TTN: variants seen among roughly 807,000 people sequenced by gnomAD.
TTN encodes the protein titin.
Under a neutral mutation model 3,223.0 loss-of-function variants are expected in TTN, and 1,525 were observed. That is an observed-to-expected ratio of 0.47 (90% CI 0.45 to 0.49). The LOEUF (loss-of-function observed/expected upper bound fraction) is 0.49. TTN is among the 20% of genes least tolerant of loss of function. The pLI is 0.00. For missense variants in TTN, 40,786 were observed against 43,424.0 expected (o/e 0.94, Z 5.40); for synonymous variants, 14,094 against 15,161.0 (o/e 0.93, Z 5.17).
chr2:178,602,698 A>T, intron 282 of TTN, 108 bp from the exon 283 acceptor site: 1 of 841,730 alleles, frequency 1.2e-6, no homozygotes, highest in African/African-American at 1.8e-5. Flanking sequence ...TAAAATATTA[A>T]AATAGAAATG....
intron 288 of TTN, 55 bp from the exon 289 acceptor site, chr2:178,599,905 A>T: frequency 6.8e-7 from 1 of 1,478,478 alleles, no homozygotes; most frequent in East Asian, 2.3e-5. Flanking sequence ...AGGGATAGAA[A>T]GTAGAATTCA....
In TTN at chr2:178,559,983, T is replaced by C. The variant is rs757567360; in HGVS notation, c.86149A>G (p.Thr28717Ala). The change falls in exon 326 of 363, where the codon ACA (threonine) becomes GCA (alanine). Residue 28717 changes from threonine to alanine, a missense_variant. By Grantham distance (58) the Thr-to-Ala change is moderately conservative (BLOSUM62 0). Coordinates refer to ENST00000589042, the MANE Select transcript of TTN (RefSeq NM_001267550.2). The part of the protein sequence containing the change: ...GTEYTISGLT[T>A]GAEYVFRVKS... ...ACTCTGAAAACATATTCAGCTCCTG[T>C]TGTTAGTCCGCTTATTGTATATTCT... 12 of 1,613,676 alleles carry C rather than the reference T, an allele frequency of 7.4e-6. No individual in the cohort carries two copies. The South Asian group carries it at 9.9e-5, about 13-fold the overall frequency.
Position 178,728,751 on chromosome 2 carries a change from T to A in TTN, c.19175A>T (p.Lys6392Ile), listed in dbSNP as rs2079823191. The change falls in exon 66 of 363, where the codon AAA becomes ATA. Residue 6392 changes from lysine (K) to isoleucine (I), a missense_variant. Physicochemically the swap from Lys to Ile is moderately radical, Grantham distance 102. Coordinates refer to ENST00000589042, the MANE Select transcript of TTN (RefSeq NM_001267550.2). The stretch of plus-strand genomic sequence containing the variant: ...ATCTTTCTCCGTAACATCAACTGAT[T>A]TAGCTTTCTCTACGATTTGAGCTGG... ...QEPAQIVEKA[K>I]SVDVTEKDPM... is the part of the protein sequence containing the mutation. 6.2e-7 allele frequency: 1 copy of A among 1,603,312 alleles called. No individual in the cohort carries two copies. Among genetic ancestry groups the A allele is most frequent in the African/African-American group, 1.3e-5 (1 of 74,744 alleles).
chr2:178,750,393 G>A lies in TTN; in HGVS notation c.11311+2731C>T, dbSNP rs200550488. 68 of 1,612,626 alleles carry A rather than the reference G, an allele frequency of 4.2e-5. No individual in the cohort carries two copies. Among genetic ancestry groups the A allele is most frequent in the Non-Finnish European group, 8.5e-6 (10 of 1,179,156 alleles). ...TCATTCTGATGATGAACAGATGAAA[G>A]AGTTAATATTGAATAGTTTTCCAAC... On this transcript the variant is annotated intron_variant, in intron 47 of 362. Transcript: ENST00000589042.
chr2:178,696,398 T>C (rs1234784065), intron 113 of TTN, 129 bp from the exon 114 acceptor site: 4 of 865,962 alleles, frequency 4.6e-6, no homozygotes, highest in Non-Finnish European at 6.6e-6. Flanking sequence ...TTTTTTTTTT[T>C]TGTATTGGTT....
rs759136839 is a variant in TTN at position 178,546,415 on chromosome 2, A to G, written c.94916T>C (p.Val31639Ala). 1 of 1,613,742 alleles carries G rather than the reference A, an allele frequency of 6.2e-7. No homozygotes were observed. The highest frequency in any genetic ancestry group is 2.2e-5 in the East Asian group (1 of 44,848). ...AGSDLVLDAA[V>A]GGKPEPKIIW... ...AATTTTGGGTTCAGGTTTGCCACCA[A>G]CTGCAGCATCCAGAACAAGATCAGA... Residue 31639 changes from valine (V) to alanine (A), a missense_variant, in exon 342 of 363, where the codon GTT becomes GCT. By Grantham distance (64) the Val-to-Ala change is moderately conservative. Coordinates refer to ENST00000589042, the MANE Select transcript of TTN (RefSeq NM_001267550.2).
rs935907056 is a variant in TTN, at chr2:178,773,483, T to C, written c.7573A>G (p.Asn2525Asp). The C allele has an allele frequency of 3.7e-6, 6 of 1,614,054 alleles. No individual in the cohort carries two copies. The East Asian group carries it at 1.1e-4, about 30-fold the overall frequency. ...YKLIVGRVET[N>D]CNLSVEKIKI... Reference sequence around the variant, plus strand: ...TTACTTTCTACAGAGAGATTACAGTTGGTTTCAACTCTGCCAACTATCAGC... The same window carrying C: ...TTACTTTCTACAGAGAGATTACAGTCGGTTTCAACTCTGCCAACTATCAGC... Residue 2525 changes from asparagine to aspartate, a missense_variant, in exon 32 of 363, where the codon AAC (asparagine) becomes GAC (aspartate). Coordinates refer to ENST00000589042, the MANE Select transcript of TTN (RefSeq NM_001267550.2).
Position 178,647,438 on chromosome 2 carries a change from G to A in TTN, c.40084C>T (p.Pro13362Ser). 1 of 1,549,532 alleles carries A rather than the reference G, an allele frequency of 6.5e-7. No homozygotes were observed. The highest frequency in any genetic ancestry group is 1.2e-5 in the South Asian group (1 of 83,990). Residue 13362 changes from proline (P) to serine (S), a missense_variant, in exon 214 of 363, where the codon CCA becomes TCA. Physicochemically the swap from Pro to Ser is moderately conservative, Grantham distance 74 (BLOSUM62 -1). Transcript: ENST00000589042. ...ATAGGCACAGACACTTCCTTTTCTG[G>A]GATGATTTTCTCAGGCACTTTGGGC... ...KVPKVPEKII[P>S]EKEVSVPIPA... is the part of the protein sequence containing the mutation.
Position 178,727,867 on chromosome 2 carries a change from T to C in TTN, c.19715-4A>G, listed in dbSNP as rs375009631. 153 of 1,567,408 alleles carry C rather than the reference T, an allele frequency of 9.8e-5. No homozygotes were observed. The highest frequency in any genetic ancestry group is 5.1e-4 in the Middle Eastern group (3 of 5,830). Reference sequence around the variant, plus strand: ...TTCACTAGGAAGCTTGGTGGTTCTATAGATTTTAAGAGAGATATATTTAAT... The same window carrying C: ...TTCACTAGGAAGCTTGGTGGTTCTACAGATTTTAAGAGAGATATATTTAAT... On this transcript the variant is annotated splice_polypyrimidine_tract_variant and splice_region_variant and intron_variant, in intron 67 of 362. Transcript: ENST00000589042.
intron 135 of TTN, among the ~76,000 whole-genome samples, chr2:178,682,141 A>T (rs1388253516): frequency 2.0e-5 from 3 of 151,994 alleles, no homozygotes; most frequent in African/African-American, 7.2e-5. Flanking sequence ...TGAGTAAAAT[A>T]AACAATTTGA....
rs1210415232 is a variant in TTN, at chr2:178,647,044, A to G, written c.40222+20T>C. On this transcript the variant is annotated intron_variant, in intron 215 of 362. Coordinates refer to ENST00000589042, the MANE Select transcript of TTN (RefSeq NM_001267550.2). ...TCTTCAGGAGATTAAAAAAATGTAT[A>G]TATATATATATATATATACCTTCAA... 19 of 503,626 alleles carry G rather than the reference A, an allele frequency of 3.8e-5. No homozygotes were observed. Among genetic ancestry groups the G allele is most frequent in the African/African-American group, 8.8e-5 (4 of 45,464 alleles). The allele number at this position is 503,626 out of a possible 1,614,324, so 31.2% of individuals were successfully genotyped here.
At chr2:178,628,562 G>T (rs2059375201) in intron 240 of TTN, among the ~76,000 whole-genome samples, 1 of 152,030 alleles carries the variant, frequency 6.6e-6, no homozygotes, top group Non-Finnish European at 1.5e-5. Flanking sequence ...TGTATTGTGG[G>T]CCTATCTGAA....
At position 178,584,436 on chromosome 2, in the gene TTN, C is replaced by T. The variant is rs1449900594; in HGVS notation, c.65115G>A (p.Leu21705=). Residue 21705 remains leucine (L), a synonymous_variant, in exon 311 of 363, where the codon CTG becomes CTA. Coordinates refer to ENST00000589042, the MANE Select transcript of TTN (RefSeq NM_001267550.2). ...CAAGAGTATCATTGGCTTTCACCCA[C>T]AGCAAACTGTTTCTTTCCTTGCGTT... The part of the protein sequence containing the change: ...LIERKERNSL[L]WVKANDTLVR... 1 of 1,613,220 alleles carries T rather than the reference C, an allele frequency of 6.2e-7. No individual in the cohort carries two copies. Among genetic ancestry groups the T allele is most frequent in the African/African-American group, 1.3e-5 (1 of 74,864 alleles).
chr2:178,652,071 C>G, intron 204 of TTN, 25 bp downstream of exon 204: 1 of 1,612,512 alleles, frequency 6.2e-7, no homozygotes, highest in Non-Finnish European at 8.5e-7. Flanking sequence ...TTAAAAAACA[C>G]TAATTTGAAT....
Position 178,526,974 on chromosome 2 carries a change from G to GT in TTN, c.*37dup. On this transcript the variant is annotated 3_prime_UTR_variant, in exon 363 of 363. Coordinates refer to ENST00000589042, the MANE Select transcript of TTN (RefSeq NM_001267550.2). Reference sequence around the variant, plus strand: ...AGTCCGTGTGAAACGTTTGCGAAAAGTTAAGAATGAGTGTAGAGTATAAGG... The same window carrying GT: ...AGTCCGTGTGAAACGTTTGCGAAAAGTTTAAGAATGAGTGTAGAGTATAAGG... 6.6e-7 allele frequency: 1 copy of GT among 1,510,534 alleles called. No individual in the cohort carries two copies. The highest frequency in any genetic ancestry group is 8.9e-7 in the Non-Finnish European group (1 of 1,124,610). The allele number at this position is 1,510,534 out of a possible 1,614,324, so 93.6% of individuals were successfully genotyped here. A position where few individuals can be genotyped will look rare whatever the true frequency, so the allele number is the denominator to read the frequency against.
intron 243 of TTN, 139 bp from the exon 244 acceptor site, chr2:178,622,147 A>G (rs1282006822): frequency 8.1e-6 from 6 of 736,796 alleles, no homozygotes; most frequent in Non-Finnish European, 1.1e-5. Flanking sequence ...GGTGGCAGAC[A>G]CAAATATAAA....
rs71023450 is a variant in TTN at position 178,646,104 on chromosome 2, TTATATATATA to T, written c.40298-84_40298-75del. 375 of 37,984 alleles carry T rather than the reference TTATATATATA, an allele frequency of 9.9e-3. 7 individuals carry two copies. The highest frequency in any genetic ancestry group is 0.017 in the East Asian group (34 of 1,994). 2.4% of individuals were successfully genotyped at this position (37,984 alleles called of 1,614,324 possible). A position where few individuals can be genotyped will look rare whatever the true frequency, so the allele number is the denominator to read the frequency against. On this transcript the variant is annotated intron_variant, in intron 216 of 362. Coordinates refer to ENST00000589042, the MANE Select transcript of TTN (RefSeq NM_001267550.2). ...GGATATGTAGTATATTTAATAGAAA[TTATATATATA>T]TATATATATATATATATATATATAT...
At chr2:178,646,592 GC>G in intron 215 of TTN, 33 bp from the exon 216 acceptor site, 2 of 1,341,516 alleles carry the variant, frequency 1.5e-6, no homozygotes, top group Non-Finnish European at 2.1e-6. Flanking sequence ...AGATGAGGTT[GC>G]AATGTAAAGT....
intron 6 of TTN, among the ~76,000 whole-genome samples, chr2:178,795,538 A>T (rs2093723495): frequency 6.6e-6 from 1 of 152,060 alleles, no homozygotes; most frequent in East Asian, 1.9e-4. Context: ...AAATCACAAC[A>T]GAAAAAGCTA....
Sources: allele counts gnomAD v4.1 joint callset (sites outside exome capture counted in the v4.1 genomes callset), GRCh38; gene constraint gnomAD v4.1.1; transcripts MANE v1.5; gene names NCBI Gene and HGNC (gene_info 2026-07-23, HGNC 2026-07-21).